Variants in CNTNAP3B observed in about 807,000 individuals in gnomAD.
The protein encoded by CNTNAP3B is contactin-associated protein-like 3B.
In CNTNAP3B, 25 loss-of-function variants were observed where a neutral mutation model predicts 108.9. That is an observed-to-expected ratio of 0.23 (90% CI 0.17 to 0.32). The LOEUF (loss-of-function observed/expected upper bound fraction) is 0.32. Ranked by LOEUF, CNTNAP3B falls within the 10% of genes least tolerant of loss-of-function variation. The pLI, the probability that CNTNAP3B is intolerant of heterozygous loss-of-function variation, is 1.00. For missense variants in CNTNAP3B, 252 were observed against 1,210.4 expected (o/e 0.21, Z 11.75); for synonymous variants, 103 against 473.4 (o/e 0.22, Z 10.16).
At chr9:42,121,108 C>G (rs1294488609) in intron 1 of CNTNAP3B, among the ~76,000 whole-genome samples, 1 of 138,656 alleles carries the variant, frequency 7.2e-6, no homozygotes, top group Admixed American at 7.2e-5. Flanking sequence ...AGTTAGCACC[C>G]CAAGGGCAGT....
At chr9:41,955,991 AG>A (rs1181673195) in intron 12 of CNTNAP3B, among the ~76,000 whole-genome samples, 1 of 152,230 alleles carries the variant, frequency 6.6e-6, no homozygotes, top group African/African-American at 2.4e-5. Flanking sequence ...ATCAGCCCAC[AG>A]TTGGGCAAAA....
At chr9:41,927,405 GGAAA>G (rs1174462170) in intron 15 of CNTNAP3B, among the ~76,000 whole-genome samples, 19 of 145,254 alleles carry the variant, frequency 1.3e-4, no homozygotes, top group South Asian at 6.5e-4. Flanking sequence ...AAAGAAGACA[GGAAA>G]GAAAGAAAGA....
At chr9:41,924,518 C>T (rs1209949827) in intron 15 of CNTNAP3B, among the ~76,000 whole-genome samples, 9 of 152,286 alleles carry the variant, frequency 5.9e-5, no homozygotes, top group East Asian at 5.8e-4. Context: ...GAAGCAGGTT[C>T]GAGCAGCAGC....
intron 2 of CNTNAP3B, among the ~76,000 whole-genome samples, chr9:42,098,975 C>T (rs62558889): frequency 0.18 from 24,199 of 135,166 alleles, 4,177 homozygotes; most frequent in Middle Eastern, 0.33. Flanking sequence ...CTGGTGCACC[C>T]AGAGTCGTGG....
intron 3 of CNTNAP3B, among the ~76,000 whole-genome samples, chr9:42,068,205 G>A (rs1827314814): frequency 1.6e-5 from 1 of 61,252 alleles, no homozygotes. Context: ...CAGCCAATGG[G>A]GAACTAGAGA....
chr9:41,965,011 CAG>C (rs1237855045), intron 10 of CNTNAP3B, among the ~76,000 whole-genome samples: 4 of 152,224 alleles, frequency 2.6e-5, no homozygotes, highest in Middle Eastern at 3.2e-3. Flanking sequence ...GAAGGGGAAA[CAG>C]GGAGGAAGAT....
chr9:42,086,268 C>A (rs1455852098), intron 2 of CNTNAP3B, among the ~76,000 whole-genome samples: 4 of 140,608 alleles, frequency 2.8e-5, no homozygotes, highest in Non-Finnish European at 6.1e-5. Context: ...CAGTTATCTC[C>A]CACTGGGTCC....
At chr9:41,935,190 T>G (rs1824119451) in intron 14 of CNTNAP3B, among the ~76,000 whole-genome samples, 1 of 152,298 alleles carries the variant, frequency 6.6e-6, no homozygotes, top group African/African-American at 2.4e-5. Flanking sequence ...TTATAGTTAT[T>G]TGATAGAATA....
At chr9:42,071,212 G>T (rs1827371313) in intron 3 of CNTNAP3B, among the ~76,000 whole-genome samples, 1 of 145,980 alleles carries the variant, frequency 6.9e-6, no homozygotes, top group Non-Finnish European at 1.5e-5. Context: ...GGGGTGGGGA[G>T]GGCAGTGGGA....
intron 14 of CNTNAP3B, among the ~76,000 whole-genome samples, chr9:41,935,323 C>T (rs1399021693): frequency 2.0e-5 from 3 of 152,196 alleles, no homozygotes; most frequent in Admixed American, 6.5e-5. Context: ...AACAATACTG[C>T]CTGCCCCATT....
At chr9:42,089,981 C>CT (rs964874008) in intron 2 of CNTNAP3B, among the ~76,000 whole-genome samples, 20 of 139,272 alleles carry the variant, frequency 1.4e-4, no homozygotes, top group Non-Finnish European at 2.9e-4. Flanking sequence ...AACGCAAGCA[C>CT]TTTCTAAAAA....
intron 3 of CNTNAP3B, among the ~76,000 whole-genome samples, chr9:42,014,356 A>G (rs1826183767): frequency 1.4e-5 from 1 of 71,380 alleles, no homozygotes; most frequent in South Asian, 4.7e-4. Flanking sequence ...GGAAAGGGTT[A>G]ATGCTCTTTT....
At chr9:41,961,869 A>G (rs1825102452) in intron 11 of CNTNAP3B, among the ~76,000 whole-genome samples, 1 of 152,304 alleles carries the variant, frequency 6.6e-6, no homozygotes. Flanking sequence ...TATGGAATTA[A>G]TATCTGCAGG....
intron 1 of CNTNAP3B, among the ~76,000 whole-genome samples, chr9:42,121,557 G>C (rs184675336): frequency 2.9e-5 from 4 of 139,180 alleles, no homozygotes; most frequent in South Asian, 4.7e-4. Context: ...CGGCCACCCA[G>C]GAGATGAGCT....
At chr9:42,051,735 T>G (rs1826963589) in intron 3 of CNTNAP3B, among the ~76,000 whole-genome samples, 1 of 150,104 alleles carries the variant, frequency 6.7e-6, no homozygotes. Context: ...TTTTTATTAT[T>G]TTGGAGAAGC....
rs1828321371 is a variant in CNTNAP3B, at chr9:42,116,542, AC to A, written c.86-11804del. On this transcript the variant is annotated intron_variant, in intron 1 of 23. Coordinates refer to ENST00000377561, the MANE Select transcript of CNTNAP3B (RefSeq NM_001201380.3). ...AAGGAAGCACTAAACATGGAAAGGA[AC>A]AACCAGTACCAGCCACTGCAAAAAC... Among the ~76,000 whole-genome samples the A allele has an allele frequency of 1.5e-5, 2 of 137,212 alleles. 1 individual carries two copies. Among genetic ancestry groups the A allele is most frequent in the African/African-American group, 5.9e-5 (2 of 34,176 alleles). 90.0% of individuals were successfully genotyped at this position (137,212 alleles called of 152,430 possible). A position where few individuals can be genotyped will look rare whatever the true frequency, so the allele number is the denominator to read the frequency against.
intron 14 of CNTNAP3B, among the ~76,000 whole-genome samples, chr9:41,932,954 T>G (rs1158538940): frequency 7.2e-5 from 11 of 152,422 alleles, no homozygotes; most frequent in African/African-American, 2.6e-4. Flanking sequence ...CAACCTGCAT[T>G]AATTACTACA....
rs1454773461 is a variant in CNTNAP3B, at chr9:42,002,344, A to G, written c.539-3740T>C. Among the ~76,000 whole-genome samples the G allele has an allele frequency of 2.3e-4, 13 of 57,542 alleles. 3 individuals are homozygous for G. In the East Asian group the frequency reaches 0.013, roughly 59 times the overall value. The allele number at this position is 57,542 out of a possible 152,430, so 37.7% of individuals were successfully genotyped here. ...CTAAATCTTACTCAGAAGTATTAATATATCTATCTCATTTTCTTGTGTTAG... is the reference window on the plus strand; with the variant it reads ...CTAAATCTTACTCAGAAGTATTAATGTATCTATCTCATTTTCTTGTGTTAG... On this transcript the variant is annotated intron_variant, in intron 4 of 23. Transcript: ENST00000377561.
In CNTNAP3B at chr9:42,121,150, G is replaced by A. The variant is rs1460339160; in HGVS notation, c.85+7860C>T. On this transcript the variant is annotated intron_variant, in intron 1 of 23. Transcript: ENST00000377561. ...TCCCTGGACAGGACTCAGGATAAAT[G>A]CATTCCCCCTGCTGTCTCTCAGAGG... is the stretch of plus-strand genomic sequence containing the variant. 3.6e-5 allele frequency among the ~76,000 whole-genome samples: 5 copies of A among 137,882 alleles called. 1 individual carries two copies. Among genetic ancestry groups the A allele is most frequent in the East Asian group, 2.2e-4 (1 of 4,524 alleles). 90.5% of individuals were successfully genotyped at this position (137,882 alleles called of 152,430 possible). A position where few individuals can be genotyped will look rare whatever the true frequency, so the allele number is the denominator to read the frequency against.
Sources: gnomAD v4.1 joint callset for allele counts (sites outside exome capture counted in the v4.1 genomes callset) on GRCh38, gnomAD v4.1.1 for gene constraint, MANE v1.5 for transcripts, NCBI Gene and HGNC (gene_info 2026-07-23, HGNC 2026-07-21) for gene names.